The following RUNX1 variants were observed in gnomAD, a reference collection of about 807,000 sequenced individuals.
The protein encoded by RUNX1 is runt-related transcription factor 1.
A neutral mutation model predicts 42.8 loss-of-function variants in RUNX1; 19 were observed. The observed-to-expected ratio is 0.44, with a 90% CI of 0.31 to 0.65. RUNX1 has a LOEUF of 0.65. RUNX1 is among the 30% of genes least tolerant of loss of function. The pLI is 0.07. For synonymous variants in RUNX1, 271 were observed against 289.4 expected (o/e 0.94, Z 0.64); for missense variants, 528 against 672.0 (o/e 0.79, Z 2.37).
At chr21:35,046,385 G>C (rs1280725719) in intron 2 of RUNX1, among the ~76,000 whole-genome samples, 2 of 152,234 alleles carry the variant, frequency 1.3e-5, no homozygotes. Context: ...AGAATTGCAT[G>C]GACTGATAAA....
At chr21:34,870,187 T>G (rs1040077510) in intron 5 of RUNX1, among the ~76,000 whole-genome samples, 2 of 152,250 alleles carry the variant, frequency 1.3e-5, no homozygotes, top group African/African-American at 2.4e-5. Flanking sequence ...AGCAGACCTC[T>G]GGTTGTTGTT....
At chr21:34,991,744 T>G (rs138443640) in intron 2 of RUNX1, among the ~76,000 whole-genome samples, 1 of 152,166 alleles carries the variant, frequency 6.6e-6, no homozygotes, top group Non-Finnish European at 1.5e-5. Flanking sequence ...CATGTCCACA[T>G]AGAACCTCAG....
chr21:35,018,801 C>G (rs1940910426), intron 2 of RUNX1, among the ~76,000 whole-genome samples: 1 of 152,164 alleles, frequency 6.6e-6, no homozygotes, highest in African/African-American at 2.4e-5. Context: ...CCCACAGTCC[C>G]CCTCAGTGGG....
chr21:34,853,125 TGTACAACACCC>T (rs2057447471), intron 6 of RUNX1, among the ~76,000 whole-genome samples: 3 of 152,152 alleles, frequency 2.0e-5, no homozygotes, highest in African/African-American at 7.2e-5. Context: ...AGGTCTATGT[TGTACAACACCC>T]CGGGGTCAGG....
In RUNX1 at chr21:34,789,121, T is replaced by A. The variant is rs1394389450; in HGVS notation, c.*3014A>T. The A allele has an allele frequency of 2.6e-5, 6 of 233,234 alleles. No individual in the cohort carries two copies. The highest frequency in any genetic ancestry group is 5.1e-5 in the Non-Finnish European group (6 of 118,088). 14.4% of individuals were successfully genotyped at this position (233,234 alleles called of 1,614,324 possible). ...CAAGCAGATCCAATATGGTTGGCAA[T>A]GTCTCTGTTCTGCTGGAAGAAACCC... On this transcript the variant is annotated 3_prime_UTR_variant, in exon 9 of 9. Transcript: ENST00000675419.
At chr21:34,877,139 G>A (rs2057825819) in intron 5 of RUNX1, among the ~76,000 whole-genome samples, 1 of 152,136 alleles carries the variant, frequency 6.6e-6, no homozygotes, top group African/African-American at 2.4e-5. Context: ...GATTACAGGT[G>A]TGAGCCACTG....
intron 2 of RUNX1, among the ~76,000 whole-genome samples, chr21:34,952,752 T>G (rs1223320293): frequency 6.6e-6 from 1 of 152,206 alleles, no homozygotes; most frequent in Non-Finnish European, 1.5e-5. Context: ...TTCTTCTCAC[T>G]TTCAGGTCAT....
intron 2 of RUNX1, among the ~76,000 whole-genome samples, chr21:34,914,541 G>A (rs1440005425): frequency 6.6e-6 from 1 of 152,068 alleles, no homozygotes; most frequent in Non-Finnish European, 1.5e-5. Context: ...CCACTTCTGG[G>A]AGCTATCACT....
At chr21:34,964,909 C>T (rs1267516885) in intron 2 of RUNX1, among the ~76,000 whole-genome samples, 1 of 152,158 alleles carries the variant, frequency 6.6e-6, no homozygotes, top group East Asian at 1.9e-4. Context: ...CTCACACTCA[C>T]ACGCATGCAC....
chr21:34,789,832 G>A lies in RUNX1; in HGVS notation c.*2303C>T, dbSNP rs1432687263. 2 of 233,094 alleles carry A rather than the reference G, an allele frequency of 8.6e-6. No homozygotes were observed. The highest frequency in any genetic ancestry group is 1.7e-5 in the Non-Finnish European group (2 of 118,046). 14.4% of individuals were successfully genotyped at this position (233,094 alleles called of 1,614,324 possible). A position where few individuals can be genotyped will look rare whatever the true frequency, so the allele number is the denominator to read the frequency against. ...CTAATCAGAGCATGAGGCTGGTTTTGAGTTGGAATATCTTCAGTTAACAGA... is the reference window on the plus strand; with the variant it reads ...CTAATCAGAGCATGAGGCTGGTTTTAAGTTGGAATATCTTCAGTTAACAGA... On this transcript the variant is annotated 3_prime_UTR_variant, in exon 9 of 9. Coordinates refer to ENST00000675419, the MANE Select transcript of RUNX1 (RefSeq NM_001754.5).
At chr21:34,832,185 T>C (rs909082725) in intron 7 of RUNX1, among the ~76,000 whole-genome samples, 1 of 152,224 alleles carries the variant, frequency 6.6e-6, no homozygotes, top group Non-Finnish European at 1.5e-5. Context: ...CCTGATACTC[T>C]ACTAAGCATA....
chr21:34,999,965 G>C (rs1274460203), intron 2 of RUNX1, among the ~76,000 whole-genome samples: 1 of 152,176 alleles, frequency 6.6e-6, no homozygotes, highest in Non-Finnish European at 1.5e-5. Flanking sequence ...CGGGCTGAAC[G>C]AGATGAGCTT....
intron 2 of RUNX1, among the ~76,000 whole-genome samples, chr21:34,997,368 G>A (rs186358524): frequency 5.3e-4 from 81 of 152,316 alleles, no homozygotes; most frequent in Admixed American, 2.4e-3. Flanking sequence ...TTGCTGCAGT[G>A]AGATAGGGCA....
At chr21:34,836,015 T>C (rs1185573885) in intron 6 of RUNX1, among the ~76,000 whole-genome samples, 1 of 152,268 alleles carries the variant, frequency 6.6e-6, no homozygotes, top group African/African-American at 2.4e-5. Flanking sequence ...ACAGTTGACA[T>C]TGTCTCAAAT....
At chr21:35,029,438 A>C (rs2059258343) in intron 2 of RUNX1, among the ~76,000 whole-genome samples, 1 of 152,120 alleles carries the variant, frequency 6.6e-6, no homozygotes. Flanking sequence ...TCATTAACAG[A>C]GCCAGCATAA....
chr21:34,790,606 C>T lies in RUNX1; in HGVS notation c.*1529G>A. The T allele has an allele frequency of 4.3e-6, 1 of 233,274 alleles. No homozygotes were observed. Among genetic ancestry groups the T allele is most frequent in the Non-Finnish European group, 8.5e-6 (1 of 118,056 alleles). 14.5% of individuals were successfully genotyped at this position (233,274 alleles called of 1,614,324 possible). ...AGTGACATGAATCTTTCCTGTCACACTGGTGCACAGGTAAAAGCCCATATA... is the reference window on the plus strand; with the variant it reads ...AGTGACATGAATCTTTCCTGTCACATTGGTGCACAGGTAAAAGCCCATATA... On this transcript the variant is annotated 3_prime_UTR_variant, in exon 9 of 9. Coordinates refer to ENST00000675419, the MANE Select transcript of RUNX1 (RefSeq NM_001754.5).
intron 2 of RUNX1, among the ~76,000 whole-genome samples, chr21:35,042,210 A>AG (rs2059364712): frequency 6.6e-6 from 1 of 152,078 alleles, no homozygotes; most frequent in South Asian, 2.1e-4. Flanking sequence ...CCCTTCCCCC[A>AG]CCTCATCCCT....
intron 2 of RUNX1, among the ~76,000 whole-genome samples, chr21:34,974,704 C>CT (rs1273203458): frequency 6.6e-6 from 1 of 152,210 alleles, no homozygotes; most frequent in Non-Finnish European, 1.5e-5. Flanking sequence ...CTTCCCCACA[C>CT]TAAGTAGTTC....
intron 2 of RUNX1, among the ~76,000 whole-genome samples, chr21:34,968,619 T>A (rs1000855769): frequency 6.6e-6 from 1 of 151,998 alleles, no homozygotes; most frequent in Admixed American, 6.5e-5. Context: ...CAGTACGGGG[T>A]GTAGATGAGG....
Sources: gnomAD v4.1 joint callset for allele counts (sites outside exome capture counted in the v4.1 genomes callset) on GRCh38, gnomAD v4.1.1 for gene constraint, MANE v1.5 for transcripts, NCBI Gene and HGNC (gene_info 2026-07-23, HGNC 2026-07-21) for gene names.